The following ROBO1 variants were observed in gnomAD, a reference collection of about 807,000 sequenced individuals.
ROBO1 encodes roundabout homolog 1.
Under a neutral mutation model 195.9 loss-of-function variants are expected in ROBO1, and 149 were observed. The ratio of observed to expected loss-of-function variants is 0.76; its 90% CI spans 0.67 to 0.87. The LOEUF is 0.87. Ranked by LOEUF, ROBO1 falls within the 40% of genes least tolerant of loss-of-function variation. The pLI, the probability that ROBO1 is intolerant of heterozygous loss-of-function variation, is 0.00. For synonymous variants in ROBO1, 816 were observed against 733.2 expected (o/e 1.11, Z -1.82); for missense variants, 1,933 against 2,068.3 (o/e 0.93, Z 1.27).
intron 3 of ROBO1, among the ~76,000 whole-genome samples, chr3:79,009,996 G>A (rs894093661): frequency 6.6e-6 from 1 of 152,088 alleles, no homozygotes; most frequent in Admixed American, 6.6e-5. Context: ...CATGTTATGG[G>A]GCTGGACTTA....
At chr3:78,883,397 T>G (rs191883214) in intron 4 of ROBO1, among the ~76,000 whole-genome samples, 2 of 152,206 alleles carry the variant, frequency 1.3e-5, no homozygotes, top group East Asian at 3.9e-4. Flanking sequence ...CAGATATGTA[T>G]TATAAACAGG....
chr3:79,106,980 C>G (rs560471465), intron 3 of ROBO1, among the ~76,000 whole-genome samples: 76 of 151,764 alleles, frequency 5.0e-4, no homozygotes, highest in Middle Eastern at 3.4e-3. Flanking sequence ...ATCCAATAAT[C>G]TGAAGTCAAC....
chr3:79,245,408 T>C (rs752286757), intron 2 of ROBO1, among the ~76,000 whole-genome samples: 4 of 152,064 alleles, frequency 2.6e-5, no homozygotes, highest in Non-Finnish European at 5.9e-5. Context: ...AAGTCAAACA[T>C]TTGTGTCCTT....
intron 2 of ROBO1, among the ~76,000 whole-genome samples, chr3:79,129,017 T>C (rs1286243821): frequency 1.3e-5 from 2 of 152,168 alleles, no homozygotes; most frequent in African/African-American, 4.8e-5. Context: ...AGGCTTCGAT[T>C]ATTTTTCATA....
intron 1 of ROBO1, among the ~76,000 whole-genome samples, chr3:79,711,903 T>A (rs966385247): frequency 7.3e-6 from 1 of 137,448 alleles, no homozygotes; most frequent in Admixed American, 7.3e-5. Context: ...GACATTACTA[T>A]TCTAATTTGT....
At chr3:79,001,175 G>C (rs2077495912) in intron 3 of ROBO1, among the ~76,000 whole-genome samples, 1 of 152,000 alleles carries the variant, frequency 6.6e-6, no homozygotes, top group Non-Finnish European at 1.5e-5. Flanking sequence ...AATGCATGCA[G>C]GGCTTAAAAT....
chr3:78,847,017 C>T lies in ROBO1; in HGVS notation c.499+91584G>A, dbSNP rs111961404. Among the ~76,000 whole-genome samples, 11 of 152,098 alleles carry T rather than the reference C, an allele frequency of 7.2e-5. No individual in the cohort carries two copies. The East Asian group carries it at 1.2e-3, about 16-fold the overall frequency. ...ACACTTAGTACAATGATGGAGAAGG[C>T]GATAATGCTGTGTCTCAGCTTGAAA... On this transcript the variant is annotated intron_variant, in intron 4 of 30. Transcript: ENST00000464233.
At chr3:79,548,628 C>A (rs1244816247) in intron 2 of ROBO1, among the ~76,000 whole-genome samples, 1 of 152,102 alleles carries the variant, frequency 6.6e-6, no homozygotes, top group Non-Finnish European at 1.5e-5. Flanking sequence ...TATATTAAGA[C>A]TTCTTTTGCA....
intron 2 of ROBO1, among the ~76,000 whole-genome samples, chr3:79,312,812 AT>A (rs2033548991): frequency 6.6e-6 from 1 of 152,316 alleles, no homozygotes; most frequent in East Asian, 1.9e-4. Flanking sequence ...ATGAAAAAAA[AT>A]AACAGAATAC....
intron 4 of ROBO1, among the ~76,000 whole-genome samples, chr3:78,881,695 T>C (rs1254668451): frequency 6.6e-6 from 1 of 152,166 alleles, no homozygotes; most frequent in African/African-American, 2.4e-5. Context: ...TATTATCGAC[T>C]GCATCAGGCC....
chr3:79,412,998 A>T (rs1369838110), intron 2 of ROBO1, among the ~76,000 whole-genome samples: 1 of 149,510 alleles, frequency 6.7e-6, no homozygotes, highest in African/African-American at 2.5e-5. Context: ...ACTATACTAG[A>T]ACAACATTAG....
At chr3:79,307,336 A>G (rs1385508855) in intron 2 of ROBO1, among the ~76,000 whole-genome samples, 1 of 152,146 alleles carries the variant, frequency 6.6e-6, no homozygotes, top group African/African-American at 2.4e-5. Flanking sequence ...CATTTCAGAA[A>G]GAAAAAAATG....
chr3:78,608,326 G>T (rs1033645535), intron 28 of ROBO1, among the ~76,000 whole-genome samples: 1 of 151,810 alleles, frequency 6.6e-6, no homozygotes, highest in Admixed American at 6.6e-5. Flanking sequence ...GGCTGGTCTC[G>T]AACTCCTATG....
intron 2 of ROBO1, among the ~76,000 whole-genome samples, chr3:79,570,513 T>G (rs1943244119): frequency 6.6e-6 from 1 of 152,110 alleles, no homozygotes; most frequent in South Asian, 2.1e-4. Flanking sequence ...CTAGAAGAGA[T>G]CAGAGTAGTT....
intron 2 of ROBO1, among the ~76,000 whole-genome samples, chr3:79,285,475 C>T (rs2031829640): frequency 6.6e-6 from 1 of 152,176 alleles, no homozygotes; most frequent in African/African-American, 2.4e-5. Context: ...CAATCTGTGC[C>T]TACAATTAGC....
intron 8 of ROBO1, among the ~76,000 whole-genome samples, chr3:78,695,355 G>A (rs2081263713): frequency 6.6e-6 from 1 of 152,084 alleles, no homozygotes; most frequent in South Asian, 2.1e-4. Context: ...GCTGGGTGAC[G>A]TGGCTCTCGC....
chr3:79,567,545 TATTA>T lies in ROBO1; in HGVS notation c.88+22275_88+22278del, dbSNP rs537226758. Among the ~76,000 whole-genome samples, 197 of 152,280 alleles carry T rather than the reference TATTA, an allele frequency of 1.3e-3. 1 individual carries two copies. The highest frequency in any genetic ancestry group is 2.3e-3 in the Admixed American group (35 of 15,288). On this transcript the variant is annotated intron_variant, in intron 2 of 30. Transcript: ENST00000464233. ...GTGCAATCTTTATATGTCTTCCTGG[TATTA>T]ATTATTCATTTCGTTTATCATTCAA... is the stretch of plus-strand genomic sequence containing the variant.
intron 2 of ROBO1, among the ~76,000 whole-genome samples, chr3:79,577,619 T>C (rs976613441): frequency 1.3e-5 from 2 of 152,024 alleles, no homozygotes; most frequent in African/African-American, 4.8e-5. Flanking sequence ...GACATACCTG[T>C]AATCCCAGCA....
intron 28 of ROBO1, among the ~76,000 whole-genome samples, chr3:78,612,168 G>C (rs1250111172): frequency 6.6e-6 from 1 of 152,062 alleles, no homozygotes; most frequent in Non-Finnish European, 1.5e-5. Context: ...AAGTAAAGAT[G>C]CTACAAAATC....
Sources: allele counts gnomAD v4.1 joint callset (sites outside exome capture counted in the v4.1 genomes callset), GRCh38; gene constraint gnomAD v4.1.1; transcripts MANE v1.5; gene names NCBI Gene and HGNC (gene_info 2026-07-23, HGNC 2026-07-21).